The following PSEN1 variants were observed in gnomAD, a reference collection of about 807,000 sequenced individuals.
PSEN1 encodes the protein presenilin 1.
PSEN1 carries 15 observed loss-of-function variants against 53.5 expected under a neutral mutation model. That is an observed-to-expected ratio of 0.28 (90% CI 0.19 to 0.43). The LOEUF is 0.43. PSEN1 is among the 20% of genes least tolerant of loss of function. The probability of loss-of-function intolerance (pLI) is 1.00; values close to 1 mark genes in which losing one functional copy is unlikely to be tolerated. For synonymous variants in PSEN1, 208 were observed against 209.8 expected (o/e 0.99, Z 0.08); for missense variants, 387 against 571.2 (o/e 0.68, Z 3.29).
chr14:73,144,665 G>A (rs1366458046), intron 1 of PSEN1, among the ~76,000 whole-genome samples: 1 of 151,990 alleles, frequency 6.6e-6, no homozygotes, highest in Non-Finnish European at 1.5e-5. Flanking sequence ...AAGGATAAAG[G>A]GAATATCATA....
chr14:73,169,897 T>C (rs1897836403), intron 3 of PSEN1, among the ~76,000 whole-genome samples: 1 of 152,160 alleles, frequency 6.6e-6, no homozygotes, highest in Non-Finnish European at 1.5e-5. Context: ...CTGCCCACCT[T>C]GGCCTCCCAA....
chr14:73,147,959 C>G lies in PSEN1; in HGVS notation c.-53-8C>G. On this transcript the variant is annotated splice_region_variant and splice_polypyrimidine_tract_variant and intron_variant, in intron 2 of 11. Transcript: ENST00000324501. Reference sequence around the variant, plus strand: ...TGCACAAAGTTCTGTTTTTCTTTCCCTTTTCAGAACCTCAAGAGGCTTTGT... The same window carrying G: ...TGCACAAAGTTCTGTTTTTCTTTCCGTTTTCAGAACCTCAAGAGGCTTTGT... 3 of 1,363,032 alleles carry G rather than the reference C, an allele frequency of 2.2e-6. No homozygotes were observed. Among genetic ancestry groups the G allele is most frequent in the Non-Finnish European group, 3.1e-6 (3 of 954,292 alleles). The allele number at this position is 1,363,032 out of a possible 1,614,324, so 84.4% of individuals were successfully genotyped here. A position where few individuals can be genotyped will look rare whatever the true frequency, so the allele number is the denominator to read the frequency against.
chr14:73,156,236 G>C (rs973760138), intron 3 of PSEN1, among the ~76,000 whole-genome samples: 1 of 151,874 alleles, frequency 6.6e-6, no homozygotes, highest in Non-Finnish European at 1.5e-5. Flanking sequence ...TGTGCCTATA[G>C]TCCCAGGTAC....
intron 5 of PSEN1, 129 bp from the exon 6 acceptor site, chr14:73,186,724 C>A: frequency 2.5e-6 from 2 of 789,504 alleles, no homozygotes; most frequent in Non-Finnish European, 4.4e-6. Context: ...TTGTGGTGAG[C>A]TGAGATCGTG....
chr14:73,215,399 C>T (rs1317956554), intron 10 of PSEN1, among the ~76,000 whole-genome samples: 7 of 151,856 alleles, frequency 4.6e-5, no homozygotes, highest in African/African-American at 1.7e-4. Context: ...GCCTGGCCAA[C>T]ATGGTAAAAC....
chr14:73,137,894 G>C (rs946950548), intron 1 of PSEN1, among the ~76,000 whole-genome samples: 31 of 152,064 alleles, frequency 2.0e-4, no homozygotes, highest in African/African-American at 7.0e-4. Context: ...CAGACAACAC[G>C]GCGAAACCCC....
At chr14:73,188,688 A>T (rs922128979) in intron 6 of PSEN1, among the ~76,000 whole-genome samples, 1 of 152,196 alleles carries the variant, frequency 6.6e-6, no homozygotes, top group Non-Finnish European at 1.5e-5. Flanking sequence ...TATGCATCTC[A>T]TTCTAAAGGC....
At chr14:73,180,743 C>T (rs1280601158) in intron 5 of PSEN1, among the ~76,000 whole-genome samples, 1 of 152,098 alleles carries the variant, frequency 6.6e-6, no homozygotes, top group Non-Finnish European at 1.5e-5. Flanking sequence ...CCCTTTAGCA[C>T]AGGAAAGCTG....
At chr14:73,178,566 T>G (rs186137543) in intron 5 of PSEN1, among the ~76,000 whole-genome samples, 3 of 152,336 alleles carry the variant, frequency 2.0e-5, no homozygotes, top group Non-Finnish European at 4.4e-5. Context: ...TTTTCCAATT[T>G]TTTTCACTAT....
intron 6 of PSEN1, among the ~76,000 whole-genome samples, chr14:73,188,891 C>A (rs917791926): frequency 6.6e-6 from 1 of 152,032 alleles, no homozygotes; most frequent in African/African-American, 2.4e-5. Context: ...TGGGTTCAAG[C>A]GATTCTCCTG....
intron 3 of PSEN1, among the ~76,000 whole-genome samples, chr14:73,151,894 A>ATTTTTTTTT (rs56754992): frequency 2.6e-5 from 1 of 38,976 alleles, no homozygotes; most frequent in Admixed American, 5.0e-4. Context: ...ATATATATAT[A>ATTTTTTTTT]TTTTTTTTTT....
chr14:73,215,739 A>G (rs531887849), intron 10 of PSEN1, among the ~76,000 whole-genome samples: 2 of 152,330 alleles, frequency 1.3e-5, no homozygotes, highest in Non-Finnish European at 2.9e-5. Flanking sequence ...TAAAAAGCAC[A>G]TGAAAAGATG....
intron 8 of PSEN1, among the ~76,000 whole-genome samples, chr14:73,205,434 A>T (rs1433077049): frequency 6.7e-6 from 1 of 149,336 alleles, no homozygotes; most frequent in Non-Finnish European, 1.5e-5. Flanking sequence ...AGCCGAGATC[A>T]TGCCACTGTA....
At chr14:73,187,385 G>A (rs1898556579) in intron 6 of PSEN1, among the ~76,000 whole-genome samples, 1 of 152,162 alleles carries the variant, frequency 6.6e-6, no homozygotes, top group Non-Finnish European at 1.5e-5. Context: ...GCTCAGAGAT[G>A]TGCCAGCCTG....
intron 10 of PSEN1, among the ~76,000 whole-genome samples, chr14:73,214,273 G>A (rs1258524972): frequency 6.6e-6 from 1 of 152,198 alleles, no homozygotes; most frequent in Non-Finnish European, 1.5e-5. Flanking sequence ...TCAAGCACCT[G>A]TAATCCCAGC....
rs1900088897 is a variant in PSEN1, at chr14:73,220,219, A to G, written c.*930A>G. 2 of 152,352 alleles carry G rather than the reference A, an allele frequency of 1.3e-5. No individual in the cohort carries two copies. Among genetic ancestry groups the G allele is most frequent in the Admixed American group, 1.3e-4 (2 of 15,274 alleles). 9.4% of individuals were successfully genotyped at this position (152,352 alleles called of 1,614,324 possible). The stretch of plus-strand genomic sequence containing the variant: ...ACACAAGCAGTCTTTTTCTACAGCC[A>G]GTAAGGCAGCTCTGTCGTGGTAGCA... On this transcript the variant is annotated 3_prime_UTR_variant, in exon 12 of 12. Transcript: ENST00000324501.
chr14:73,172,360 G>A (rs17125152), intron 4 of PSEN1, among the ~76,000 whole-genome samples: 3,684 of 152,308 alleles, frequency 0.024, 153 homozygotes, highest in African/African-American at 0.081. Flanking sequence ...AAGACAGCAG[G>A]TGAAGGGCAG....
chr14:73,148,915 G>A lies in PSEN1; in HGVS notation c.87+809G>A, dbSNP rs1024889067. ...GCCATTGCACTCCAGCCTGGGCGAC[G>A]AGCGAAACTCCATCTCAAAAATAAA... On this transcript the variant is annotated intron_variant, in intron 3 of 11. Transcript: ENST00000324501. Among the ~76,000 whole-genome samples the A allele has an allele frequency of 4.3e-4, 65 of 151,946 alleles. 2 individuals are homozygous for A. Among genetic ancestry groups the A allele is most frequent in the Admixed American group, 2.0e-4 (3 of 15,240 alleles).
At chr14:73,141,481 T>A (rs1320260910) in intron 1 of PSEN1, among the ~76,000 whole-genome samples, 3 of 152,232 alleles carry the variant, frequency 2.0e-5, no homozygotes, top group South Asian at 4.1e-4. Context: ...TAAATTAGTT[T>A]AAAAATTTTT....
Sources: allele counts gnomAD v4.1 joint callset (sites outside exome capture counted in the v4.1 genomes callset), GRCh38; gene constraint gnomAD v4.1.1; transcripts MANE v1.5; gene names NCBI Gene and HGNC (gene_info 2026-07-23, HGNC 2026-07-21).